SETBP1: variants seen among roughly 807,000 people sequenced by gnomAD.
SETBP1 encodes the protein SET-binding protein.
In SETBP1, 9 loss-of-function variants were observed where a neutral mutation model predicts 101.0. That is an observed-to-expected ratio of 0.09 (90% confidence interval 0.05 to 0.16). The LOEUF (loss-of-function observed/expected upper bound fraction) is 0.16, where lower values mean the gene tolerates loss of function less well. SETBP1 is among the 10% of genes least tolerant of loss of function. The pLI is 1.00. For synonymous variants in SETBP1, 818 were observed against 788.5 expected, an observed-to-expected ratio of 1.04 and a Z score of -0.63; for missense variants, 1,858 against 2,033.8, an observed-to-expected ratio of 0.91 and a Z score of 1.66.
intron 1 of SETBP1, among the ~76,000 whole-genome samples, chr18:44,684,585 G>GTT (rs5824553): frequency 0.014 from 1,923 of 133,072 alleles, 19 homozygotes; most frequent in Non-Finnish European, 0.021. Context: ...TTTTTAGAAG[G>GTT]TTTTTTTTTT....
chr18:44,991,534 T>A (rs1414944125), intron 4 of SETBP1, among the ~76,000 whole-genome samples: 2 of 152,136 alleles, frequency 1.3e-5, no homozygotes, highest in African/African-American at 4.8e-5. Context: ...ACAAAGTTAT[T>A]GACTATAAAA....
chr18:44,782,503 C>T (rs1343106092), intron 2 of SETBP1, among the ~76,000 whole-genome samples: 1 of 152,170 alleles, frequency 6.6e-6, no homozygotes, highest in East Asian at 1.9e-4. Flanking sequence ...ATGAAGAAAG[C>T]CCTGTCAAGA....
At chr18:45,026,852 C>CTAA (rs2073175551) in intron 4 of SETBP1, among the ~76,000 whole-genome samples, 1 of 152,076 alleles carries the variant, frequency 6.6e-6, no homozygotes, top group African/African-American at 2.4e-5. Context: ...GTGTACAAAC[C>CTAA]AACTTAGGCA....
At chr18:44,778,270 C>G (rs577276753) in intron 2 of SETBP1, among the ~76,000 whole-genome samples, 2 of 152,298 alleles carry the variant, frequency 1.3e-5, no homozygotes, top group South Asian at 4.1e-4. Context: ...TCCCATCCCC[C>G]TCTTATTCTC....
intron 3 of SETBP1, chr18:44,877,414 A>T (rs2069431620): frequency 1.0e-6 from 1 of 975,466 alleles, no homozygotes; most frequent in Admixed American, 6.2e-5. Flanking sequence ...TAGGATTTGG[A>T]CTCCTTATTT....
At chr18:44,961,288 A>G (rs2071605413) in intron 4 of SETBP1, among the ~76,000 whole-genome samples, 2 of 152,242 alleles carry the variant, frequency 1.3e-5, no homozygotes, top group South Asian at 4.1e-4. Flanking sequence ...TGCAGAGTTT[A>G]TGGAGGATGA....
At chr18:44,839,995 T>G (rs1040128203) in intron 2 of SETBP1, among the ~76,000 whole-genome samples, 1 of 152,218 alleles carries the variant, frequency 6.6e-6, no homozygotes, top group Non-Finnish European at 1.5e-5. Context: ...GTTGTCTTCT[T>G]GATCCACATT....
chr18:45,040,009 T>TGG (rs1296635235), intron 5 of SETBP1, among the ~76,000 whole-genome samples: 3 of 152,204 alleles, frequency 2.0e-5, no homozygotes, highest in Non-Finnish European at 4.4e-5. Context: ...GGCCTTGCAT[T>TGG]GACCAATGTG....
At position 45,064,829 on chromosome 18, in the gene SETBP1, A is replaced by G. The variant is rs2073946846; in HGVS notation, c.*1131A>G. The G allele has an allele frequency of 6.6e-6, 1 of 151,602 alleles. No individual in the cohort carries two copies. The highest frequency in any genetic ancestry group is 1.5e-5 in the Non-Finnish European group (1 of 67,932). The allele number at this position is 151,602 out of a possible 1,614,324, so 9.4% of individuals were successfully genotyped here. The stretch of plus-strand genomic sequence containing the variant: ...TGTTCAAAAAAAAAAAAAAAAAGGA[A>G]ACAAAAACACAATAGAAGTCCATTA... On this transcript the variant is annotated 3_prime_UTR_variant, in exon 6 of 6. Coordinates refer to ENST00000649279, the MANE Select transcript of SETBP1 (RefSeq NM_015559.3).
At chr18:44,716,261 G>A (rs377118682) in intron 2 of SETBP1, among the ~76,000 whole-genome samples, 6 of 152,148 alleles carry the variant, frequency 3.9e-5, no homozygotes, top group African/African-American at 1.4e-4. Context: ...AGCTGCTGCT[G>A]TCAGCTATAA....
intron 4 of SETBP1, among the ~76,000 whole-genome samples, chr18:45,025,678 T>G (rs1436044201): frequency 6.6e-6 from 1 of 152,196 alleles, no homozygotes; most frequent in Non-Finnish European, 1.5e-5. Flanking sequence ...CTTAAAACAA[T>G]GCAACTTTCT....
chr18:44,727,014 C>A (rs2069722425), intron 2 of SETBP1, among the ~76,000 whole-genome samples: 1 of 152,074 alleles, frequency 6.6e-6, no homozygotes, highest in Non-Finnish European at 1.5e-5. Context: ...AGGTGGACAG[C>A]TTTTTATTTT....
chr18:44,703,495 T>C (rs923677960), intron 2 of SETBP1, among the ~76,000 whole-genome samples: 1 of 151,542 alleles, frequency 6.6e-6, no homozygotes, highest in Non-Finnish European at 1.5e-5. Flanking sequence ...TGGCTGATTT[T>C]GTTGCATTTA....
chr18:44,730,640 T>A (rs2069819556), intron 2 of SETBP1, among the ~76,000 whole-genome samples: 1 of 152,196 alleles, frequency 6.6e-6, no homozygotes, highest in South Asian at 2.1e-4. Context: ...GTGCCTGTCC[T>A]CTTTTTCAGA....
At chr18:45,007,328 C>T (rs970987809) in intron 4 of SETBP1, among the ~76,000 whole-genome samples, 1 of 152,112 alleles carries the variant, frequency 6.6e-6, no homozygotes, top group African/African-American at 2.4e-5. Flanking sequence ...TTGTCTTGCT[C>T]TGTCTTCTTC....
At chr18:45,027,546 T>C (rs192771576) in intron 4 of SETBP1, among the ~76,000 whole-genome samples, 19 of 152,346 alleles carry the variant, frequency 1.2e-4, no homozygotes, top group Admixed American at 2.6e-4. Context: ...AGGAAAAGAA[T>C]ATAAAGTCTC....
At chr18:44,825,138 G>C (rs2072208056) in intron 2 of SETBP1, among the ~76,000 whole-genome samples, 1 of 152,228 alleles carries the variant, frequency 6.6e-6, no homozygotes, top group Non-Finnish European at 1.5e-5. Flanking sequence ...TGCTAGACTT[G>C]GAGTTAGACT....
At chr18:44,835,619 G>A (rs541621070) in intron 2 of SETBP1, among the ~76,000 whole-genome samples, 2 of 152,248 alleles carry the variant, frequency 1.3e-5, no homozygotes, top group Admixed American at 1.3e-4. Context: ...ATACGTCTAA[G>A]AATCTCATTT....
intron 2 of SETBP1, among the ~76,000 whole-genome samples, chr18:44,817,671 C>G (rs12162191): frequency 4.2e-5 from 6 of 144,120 alleles, no homozygotes; most frequent in African/African-American, 1.6e-4. Flanking sequence ...GGTGACAGTG[C>G]GAGACTCCAT....
Sources: gnomAD v4.1 joint callset for allele counts (sites outside exome capture counted in the v4.1 genomes callset) on GRCh38, gnomAD v4.1.1 for gene constraint, MANE v1.5 for transcripts, NCBI Gene and HGNC (gene_info 2026-07-23, HGNC 2026-07-21) for gene names.